The following TRAP1 variants were observed in gnomAD, a reference collection of about 807,000 sequenced individuals.
TRAP1 encodes TNF receptor associated protein 1.
In TRAP1, 102 loss-of-function variants were observed where a neutral mutation model predicts 89.1. The observed-to-expected ratio is 1.15, with a 90% CI of 0.98 to 1.35. The LOEUF is 1.35. Ranked by LOEUF, TRAP1 falls within the 40% of genes most tolerant of loss-of-function variation. The pLI is 0.00. For synonymous variants in TRAP1, 508 were observed against 388.0 expected (o/e 1.31, Z -3.64); for missense variants, 1,256 against 945.3 (o/e 1.33, Z -4.31).
At chr16:3,691,927 G>A (rs1313491130) in intron 1 of TRAP1, among the ~76,000 whole-genome samples, 1 of 152,162 alleles carries the variant, frequency 6.6e-6, no homozygotes, top group Non-Finnish European at 1.5e-5. Context: ...AGGGAGGAAA[G>A]CAGCCAATGT....
Position 3,700,324 on chromosome 16 carries a change from C to T in TRAP1, c.89-9339G>A, listed in dbSNP as rs148361262. Among the ~76,000 whole-genome samples, 341 of 152,062 alleles carry T rather than the reference C, an allele frequency of 2.2e-3. 4 individuals carry two copies. The highest frequency in any genetic ancestry group is 7.7e-3 in the African/African-American group (318 of 41,482). On this transcript the variant is annotated intron_variant, in intron 1 of 17. Transcript: ENST00000246957. ...CTGAGATTACAGGCATGTGCCACCACGCCTGGCTAATTTTGCATTTTTTGT... is the reference window on the plus strand; with the variant it reads ...CTGAGATTACAGGCATGTGCCACCATGCCTGGCTAATTTTGCATTTTTTGT...
intron 1 of TRAP1, among the ~76,000 whole-genome samples, chr16:3,707,103 C>G (rs1339654957): frequency 6.6e-6 from 1 of 151,652 alleles, no homozygotes; most frequent in African/African-American, 2.4e-5. Context: ...GTAGGAAGTG[C>G]TAACTCACTG....
intron 1 of TRAP1, among the ~76,000 whole-genome samples, chr16:3,701,551 A>C (rs1411536149): frequency 3.3e-4 from 10 of 30,734 alleles, no homozygotes; most frequent in African/African-American, 6.2e-4. Context: ...ACCCTGTCCC[A>C]AAAAAAAAAA....
chr16:3,659,952 C>G (rs1394759048), intron 16 of TRAP1: 2 of 152,116 alleles, frequency 1.3e-5, no homozygotes, highest in Non-Finnish European at 2.9e-5. Flanking sequence ...GTCTCGAACT[C>G]CTGACCTCAA....
chr16:3,658,512 A>G, intron 17 of TRAP1: 1 of 568,196 alleles, frequency 1.8e-6, no homozygotes, highest in East Asian at 3.0e-5. Context: ...TGAAAACCCC[A>G]TCTCTACTAA....
At chr16:3,703,043 G>GAAAAAAAAAAA (rs36093237) in intron 1 of TRAP1, among the ~76,000 whole-genome samples, 4 of 43,502 alleles carry the variant, frequency 9.2e-5, no homozygotes, top group Admixed American at 3.0e-4. Flanking sequence ...ACTCCGTCTT[G>GAAAAAAAAAAA]AAAAAAAAAA....
chr16:3,664,869 AG>A (rs1567224947), intron 12 of TRAP1: 4 of 178,592 alleles, frequency 2.2e-5, no homozygotes, highest in Non-Finnish European at 4.7e-5. Flanking sequence ...TGGCTATGGC[AG>A]AGACTGGCTT....
Position 3,708,956 on chromosome 16 carries a change from C to T in TRAP1, c.88+8465G>A, listed in dbSNP as rs975297377. Among the ~76,000 whole-genome samples, 50 of 151,736 alleles carry T rather than the reference C, an allele frequency of 3.3e-4. 1 individual carries two copies. The highest frequency in any genetic ancestry group is 4.2e-4 in the South Asian group (2 of 4,798). Reference sequence around the variant, plus strand: ...TCAGCTTCCCAAGTAGCTGGGACTACAGGCGCCCGCCACCATGCCCAGATA... The same window carrying T: ...TCAGCTTCCCAAGTAGCTGGGACTATAGGCGCCCGCCACCATGCCCAGATA... On this transcript the variant is annotated intron_variant, in intron 1 of 17. Transcript: ENST00000246957.
chr16:3,663,222 G>T (rs898445110), intron 14 of TRAP1: 38 of 716,054 alleles, frequency 5.3e-5, no homozygotes, highest in Non-Finnish European at 8.1e-5. Context: ...AGCCACCGTG[G>T]CAGGAGCACT....
intron 12 of TRAP1, 145 bp from the exon 13 acceptor site, chr16:3,664,604 G>A: frequency 3.5e-6 from 3 of 848,458 alleles, no homozygotes; most frequent in Middle Eastern, 3.3e-4. Context: ...GGACTCGGGG[G>A]TTGTCCGAGA....
At chr16:3,695,420 C>T (rs1396030750) in intron 1 of TRAP1, among the ~76,000 whole-genome samples, 3 of 151,570 alleles carry the variant, frequency 2.0e-5, no homozygotes, top group African/African-American at 7.3e-5. Flanking sequence ...TTCTAGTTAT[C>T]AGCTACTCGG....
chr16:3,705,640 G>C (rs1431991992), intron 1 of TRAP1, among the ~76,000 whole-genome samples: 12 of 152,102 alleles, frequency 7.9e-5, no homozygotes, highest in African/African-American at 2.4e-5. Context: ...CCGCTGTATA[G>C]ATTATTTTTT....
At chr16:3,708,482 C>T (rs1052366508) in intron 1 of TRAP1, among the ~76,000 whole-genome samples, 10 of 151,884 alleles carry the variant, frequency 6.6e-5, no homozygotes, top group African/African-American at 2.4e-4. Flanking sequence ...ACTAAAAATA[C>T]AAAAATTAGC....
intron 17 of TRAP1, 92 bp downstream of exon 17, chr16:3,658,701 G>A (rs184659002): frequency 1.1e-5 from 13 of 1,204,648 alleles, no homozygotes; most frequent in Non-Finnish European, 1.5e-5. Context: ...AAAAAGACAG[G>A]ATTTTAGAGG....
intron 14 of TRAP1, 178 bp from the exon 15 acceptor site, chr16:3,663,145 G>T: frequency 1.5e-6 from 1 of 663,654 alleles, no homozygotes; most frequent in Non-Finnish European, 2.5e-6. Flanking sequence ...GTTGCCTGAG[G>T]CCCATACAAC....
chr16:3,662,127 G>T lies in TRAP1; in HGVS notation c.1800C>A (p.Thr600=). 6.2e-7 allele frequency: 1 copy of T among 1,611,746 alleles called. No individual in the cohort carries two copies. Among genetic ancestry groups the T allele is most frequent in the Non-Finnish European group, 8.5e-7 (1 of 1,179,070 alleles). ...TGGCAGGGTGGGTGTCCAGTCGGAG[G>T]GTCACCTGTGAGCAAAGCCCGGGGT... is the stretch of plus-strand genomic sequence containing the variant. ...LGSRVTNVKV[T]LRLDTHPAMV... Residue 600 remains threonine, a synonymous_variant, in exon 16 of 18, where the codon ACC becomes ACA. Coordinates refer to ENST00000246957, the MANE Select transcript of TRAP1 (RefSeq NM_016292.3).
At chr16:3,717,212 G>A (rs2151288979) in intron 1 of TRAP1, among the ~76,000 whole-genome samples, 1 of 152,362 alleles carries the variant, frequency 6.6e-6, no homozygotes, top group East Asian at 1.9e-4. Flanking sequence ...ATGGGCGGGT[G>A]GCGAGGGGAG....
Position 3,685,997 on chromosome 16 carries a change from T to C in TRAP1, c.470A>G (p.Gln157Arg). Reference protein sequence around the residue: ...TNAEKGTITIQDTGIGMTQEE... With the variant: ...TNAEKGTITIRDTGIGMTQEE... Reference sequence around the variant, plus strand: ...ACGCCTGGACACTGAGGGAGGTACCTGGATGGTGATGGTGCCTTTCTCGGC... The same window carrying C: ...ACGCCTGGACACTGAGGGAGGTACCCGGATGGTGATGGTGCCTTTCTCGGC... Residue 157 changes from glutamine (Q) to arginine (R), a missense_variant and splice_region_variant, in exon 4 of 18, where the codon CAG becomes CGG. By Grantham distance (43) the Gln-to-Arg change is conservative (BLOSUM62 1). Transcript: ENST00000246957. The C allele has an allele frequency of 1.2e-6, 2 of 1,613,830 alleles. No individual in the cohort carries two copies. The highest frequency in any genetic ancestry group is 1.3e-5 in the African/African-American group (1 of 75,048).
intron 6 of TRAP1, 27 bp downstream of exon 6, chr16:3,677,471 G>A (rs939394972): frequency 4.3e-6 from 7 of 1,614,024 alleles, no homozygotes; most frequent in Non-Finnish European, 5.9e-6. Context: ...GCTTTGAGCT[G>A]CCTGTCAGGC....
Sources: gnomAD v4.1 joint callset for allele counts (sites outside exome capture counted in the v4.1 genomes callset) on GRCh38, gnomAD v4.1.1 for gene constraint, MANE v1.5 for transcripts, NCBI Gene and HGNC (gene_info 2026-07-23, HGNC 2026-07-21) for gene names.